LRRTM4: variants seen among roughly 807,000 people sequenced by gnomAD.
LRRTM4 encodes leucine rich repeat transmembrane neuronal 4.
Under a neutral mutation model 47.6 loss-of-function variants are expected in LRRTM4, and 25 were observed. The observed-to-expected ratio is 0.53, with a 90% CI of 0.38 to 0.73. The LOEUF is 0.73. Ranked by LOEUF, LRRTM4 falls within the 30% of genes least tolerant of loss-of-function variation. LRRTM4 has a pLI of 0.00. For missense variants in LRRTM4, 638 were observed against 713.4 expected (o/e 0.89, Z 1.20); for synonymous variants, 311 against 269.5 (o/e 1.15, Z -1.51).
intron 3 of LRRTM4, among the ~76,000 whole-genome samples, chr2:77,170,076 G>T (rs193064249): frequency 1.6e-4 from 25 of 152,232 alleles, no homozygotes; most frequent in Admixed American, 1.4e-3. Flanking sequence ...CTAATCTTTG[G>T]AACCTGCAAA....
At chr2:77,170,149 G>A (rs970627718) in intron 3 of LRRTM4, among the ~76,000 whole-genome samples, 3 of 152,126 alleles carry the variant, frequency 2.0e-5, no homozygotes, top group African/African-American at 4.8e-5. Flanking sequence ...TGTTAGAGAC[G>A]AGATATGATC....
chr2:76,906,970 T>A (rs1266933789), intron 3 of LRRTM4, among the ~76,000 whole-genome samples: 1 of 152,016 alleles, frequency 6.6e-6, no homozygotes, highest in Non-Finnish European at 1.5e-5. Context: ...TACCCAGGAA[T>A]TGAACTCAGC....
chr2:76,783,933 A>C (rs1674530913), intron 3 of LRRTM4, among the ~76,000 whole-genome samples: 1 of 152,220 alleles, frequency 6.6e-6, no homozygotes, highest in Non-Finnish European at 1.5e-5. Context: ...TAATATCCAG[A>C]TGATTCATTA....
intron 3 of LRRTM4, among the ~76,000 whole-genome samples, chr2:76,884,213 C>T (rs1673008327): frequency 2.0e-5 from 3 of 152,070 alleles, no homozygotes; most frequent in Non-Finnish European, 4.4e-5. Flanking sequence ...TTCACAAAAT[C>T]CTATGAAGGA....
chr2:77,004,780 C>G (rs1223048064), intron 3 of LRRTM4, among the ~76,000 whole-genome samples: 2 of 152,188 alleles, frequency 1.3e-5, no homozygotes, highest in Non-Finnish European at 2.9e-5. Flanking sequence ...AATCCTGCAA[C>G]TGCACAGGAG....
At chr2:77,099,048 C>G (rs1670882529) in intron 3 of LRRTM4, among the ~76,000 whole-genome samples, 1 of 151,666 alleles carries the variant, frequency 6.6e-6, no homozygotes, top group Admixed American at 6.6e-5. Flanking sequence ...ATTAAAAACA[C>G]TAGGGAATAA....
chr2:76,780,817 T>C (rs1011058153), intron 3 of LRRTM4, among the ~76,000 whole-genome samples: 1 of 152,070 alleles, frequency 6.6e-6, no homozygotes, highest in Non-Finnish European at 1.5e-5. Context: ...TGCGTTCCTT[T>C]GGAGGAGGAG....
At chr2:76,777,336 A>C (rs1674075194) in intron 3 of LRRTM4, among the ~76,000 whole-genome samples, 1 of 141,784 alleles carries the variant, frequency 7.1e-6, no homozygotes, top group Admixed American at 7.0e-5. Context: ...TTGAATCTGT[A>C]AATTACCTTG....
At chr2:76,881,436 A>C (rs529974253) in intron 3 of LRRTM4, among the ~76,000 whole-genome samples, 2 of 150,502 alleles carry the variant, frequency 1.3e-5, no homozygotes, top group African/African-American at 4.9e-5. Flanking sequence ...CCTAAGAATA[A>C]GACTTTTTTG....
chr2:76,843,506 C>T (rs2103942140), intron 3 of LRRTM4, among the ~76,000 whole-genome samples: 1 of 152,202 alleles, frequency 6.6e-6, no homozygotes, highest in East Asian at 1.9e-4. Context: ...GGCCTAAATC[C>T]CAGTTCTCAT....
At chr2:77,054,899 AAGTTTGTT>A (rs1423768943) in intron 3 of LRRTM4, among the ~76,000 whole-genome samples, 3 of 152,206 alleles carry the variant, frequency 2.0e-5, no homozygotes, top group Non-Finnish European at 4.4e-5. Context: ...TCATTTCAAC[AAGTTTGTT>A]TTTGACTTAT....
At chr2:77,491,392 C>A (rs1445803225) in intron 3 of LRRTM4, among the ~76,000 whole-genome samples, 3 of 151,498 alleles carry the variant, frequency 2.0e-5, no homozygotes, top group East Asian at 3.9e-4. Context: ...TAGAAATGTC[C>A]CTGAGATGGA....
intron 3 of LRRTM4, among the ~76,000 whole-genome samples, chr2:77,364,895 C>T (rs994682255): frequency 3.9e-5 from 6 of 151,966 alleles, no homozygotes; most frequent in African/African-American, 1.4e-4. Context: ...CCAATAATTA[C>T]ATAATCCTAC....
At chr2:77,139,151 G>C (rs4603787) in intron 3 of LRRTM4, among the ~76,000 whole-genome samples, 54,663 of 151,746 alleles carry the variant, frequency 0.36, 10,888 homozygotes, top group African/African-American at 0.52. Flanking sequence ...GATACCAAAG[G>C]CTGACAGAGA....
intron 3 of LRRTM4, among the ~76,000 whole-genome samples, chr2:77,050,888 A>T (rs879284729): frequency 6.6e-6 from 1 of 152,204 alleles, no homozygotes; most frequent in Non-Finnish European, 1.5e-5. Context: ...CAGTACTCTT[A>T]TTACAAATAT....
chr2:76,899,348 CACACAT>C lies in LRRTM4; in HGVS notation c.1552-150438_1552-150433del, dbSNP rs1234272397. ...ACACACACACACACACACACACACA[CACACAT>C]ATATATATATAAACTATATTTTATA... On this transcript the variant is annotated intron_variant, in intron 3 of 3. Coordinates refer to ENST00000409884, the MANE Select transcript of LRRTM4 (RefSeq NM_001134745.3). Among the ~76,000 whole-genome samples the C allele has an allele frequency of 5.9e-3, 744 of 126,716 alleles. 3 individuals are homozygous for C. The highest frequency in any genetic ancestry group is 0.023 in the African/African-American group (714 of 31,704). The allele number at this position is 126,716 out of a possible 152,430, so 83.1% of individuals were successfully genotyped here. A position where few individuals can be genotyped will look rare whatever the true frequency, so the allele number is the denominator to read the frequency against.
intron 3 of LRRTM4, among the ~76,000 whole-genome samples, chr2:77,401,615 ATATT>A (rs1673960233): frequency 6.6e-6 from 1 of 151,972 alleles, no homozygotes; most frequent in African/African-American, 2.4e-5. Flanking sequence ...GGATGAATAA[ATATT>A]TAAATATTGT....
chr2:77,095,569 G>A (rs1288476632), intron 3 of LRRTM4, among the ~76,000 whole-genome samples: 1 of 149,096 alleles, frequency 6.7e-6, no homozygotes, highest in Admixed American at 6.7e-5. Context: ...ACAGTGGCAT[G>A]ATCTTGGCTC....
intron 3 of LRRTM4, among the ~76,000 whole-genome samples, chr2:76,983,673 T>A (rs1242273961): frequency 6.6e-6 from 1 of 152,100 alleles, no homozygotes; most frequent in African/African-American, 2.4e-5. Context: ...TAGTATTTTT[T>A]AATTTGACTC....
Sources: allele counts gnomAD v4.1 joint callset (sites outside exome capture counted in the v4.1 genomes callset), GRCh38; gene constraint gnomAD v4.1.1; transcripts MANE v1.5; gene names NCBI Gene and HGNC (gene_info 2026-07-23, HGNC 2026-07-21).